The following MAGI2 variants were observed in gnomAD, a reference collection of about 807,000 sequenced individuals.
MAGI2 encodes the protein membrane associated guanylate kinase, WW and PDZ domain containing 2.
Under a neutral mutation model 133.3 loss-of-function variants are expected in MAGI2, and 35 were observed. That is an observed-to-expected ratio of 0.26 (90% CI 0.20 to 0.35). MAGI2 has a LOEUF of 0.35. Ranked by LOEUF, MAGI2 falls within the 10% of genes least tolerant of loss-of-function variation. The pLI, the probability that MAGI2 is intolerant of heterozygous loss-of-function variation, is 1.00. For synonymous variants in MAGI2, 729 were observed against 710.6 expected (o/e 1.03, Z -0.41); for missense variants, 1,636 against 1,863.4 (o/e 0.88, Z 2.25).
chr7:78,344,060 A>G, intron 8 of MAGI2, 100 bp from the exon 9 acceptor site: 1 of 1,031,196 alleles, frequency 9.7e-7, no homozygotes, highest in South Asian at 1.6e-5. Flanking sequence ...TCCCAGGGGT[A>G]AATGTGGGGG....
At chr7:78,961,250 T>C (rs1802810834) in intron 2 of MAGI2, among the ~76,000 whole-genome samples, 1 of 152,122 alleles carries the variant, frequency 6.6e-6, no homozygotes, top group Non-Finnish European at 1.5e-5. Flanking sequence ...CATTACGTGA[T>C]ATAAATGTAA....
intron 6 of MAGI2, among the ~76,000 whole-genome samples, chr7:78,475,404 T>G (rs1791643265): frequency 6.6e-6 from 1 of 151,970 alleles, no homozygotes; most frequent in Non-Finnish European, 1.5e-5. Context: ...AAAAGGCAGT[T>G]TTAAGAGAAC....
intron 1 of MAGI2, among the ~76,000 whole-genome samples, chr7:79,187,942 T>C (rs532669075): frequency 6.1e-4 from 92 of 151,954 alleles, no homozygotes; most frequent in African/African-American, 2.0e-3. Flanking sequence ...AATATACACA[T>C]GCAGAAATAC....
At chr7:78,610,489 G>A (rs549188435) in intron 3 of MAGI2, among the ~76,000 whole-genome samples, 5 of 152,324 alleles carry the variant, frequency 3.3e-5, no homozygotes, top group East Asian at 3.9e-4. Flanking sequence ...GCTTTCCAAC[G>A]TGTGCTCCAG....
intron 1 of MAGI2, among the ~76,000 whole-genome samples, chr7:79,127,496 T>C (rs62460844): frequency 1.3e-5 from 2 of 152,032 alleles, no homozygotes; most frequent in African/African-American, 2.4e-5. Context: ...GCCATTCTAA[T>C]TGGTGTGAGA....
intron 9 of MAGI2, among the ~76,000 whole-genome samples, chr7:78,342,815 G>A (rs757025234): frequency 5.9e-5 from 9 of 152,134 alleles, no homozygotes; most frequent in Non-Finnish European, 1.0e-4. Flanking sequence ...GTTGGTAGAT[G>A]GGGGGATAGG....
intron 2 of MAGI2, among the ~76,000 whole-genome samples, chr7:78,672,791 A>T (rs1448145638): frequency 6.6e-6 from 1 of 152,128 alleles, no homozygotes. Flanking sequence ...AAATTTTAAC[A>T]AGCCCTTCAG....
chr7:78,608,470 T>C (rs1375967950), intron 3 of MAGI2, among the ~76,000 whole-genome samples: 2 of 133,656 alleles, frequency 1.5e-5, no homozygotes, highest in African/African-American at 5.3e-5. Flanking sequence ...TGTGTGTGTA[T>C]GTATATATAT....
At chr7:79,160,759 G>A (rs534001147) in intron 1 of MAGI2, among the ~76,000 whole-genome samples, 3 of 152,162 alleles carry the variant, frequency 2.0e-5, no homozygotes, top group Middle Eastern at 6.8e-3. Context: ...CACACCAGAT[G>A]AAGCAGTTAA....
At chr7:78,546,188 T>C (rs1798816352) in intron 3 of MAGI2, among the ~76,000 whole-genome samples, 1 of 152,198 alleles carries the variant, frequency 6.6e-6, no homozygotes, top group East Asian at 1.9e-4. Flanking sequence ...AAATTTATAA[T>C]GCTATCTTGA....
chr7:78,330,319 T>C (rs889403005), intron 9 of MAGI2, among the ~76,000 whole-genome samples: 4 of 151,958 alleles, frequency 2.6e-5, no homozygotes, highest in Non-Finnish European at 4.4e-5. Context: ...TAGTGCTGCA[T>C]AGAAAGATTC....
At position 78,748,449 on chromosome 7, in the gene MAGI2, G is replaced by A. The variant is rs138494581; in HGVS notation, c.419-121210C>T. On this transcript the variant is annotated intron_variant, in intron 2 of 21. Coordinates refer to ENST00000354212, the MANE Select transcript of MAGI2 (RefSeq NM_012301.4). ...GTCTTATGAGCGCAGTCCTATTATC[G>A]CTCCCAATTCTGTTTAATATAAGGT... Among the ~76,000 whole-genome samples the A allele has an allele frequency of 3.7e-3, 566 of 152,156 alleles. 25 individuals are homozygous for A. Among genetic ancestry groups the A allele is most frequent in the Admixed American group, 0.033 (501 of 15,278 alleles).
intron 9 of MAGI2, among the ~76,000 whole-genome samples, chr7:78,261,837 T>G (rs1357455942): frequency 1.3e-5 from 2 of 152,178 alleles, no homozygotes; most frequent in Non-Finnish European, 2.9e-5. Flanking sequence ...ATACATAATT[T>G]TATTATAATA....
At chr7:79,016,418 G>A (rs1042712189) in intron 1 of MAGI2, among the ~76,000 whole-genome samples, 12 of 152,042 alleles carry the variant, frequency 7.9e-5, no homozygotes, top group East Asian at 1.9e-4. Flanking sequence ...CTGGTGGCAC[G>A]CATCATAGCT....
intron 1 of MAGI2, among the ~76,000 whole-genome samples, chr7:79,378,922 G>GTA (rs1843562006): frequency 4.7e-5 from 3 of 63,470 alleles, no homozygotes; most frequent in South Asian, 1.2e-3. Flanking sequence ...ATATATGTGT[G>GTA]TGTGTATATA....
chr7:79,126,995 C>T (rs1820470278), intron 1 of MAGI2, among the ~76,000 whole-genome samples: 1 of 150,690 alleles, frequency 6.6e-6, no homozygotes, highest in Admixed American at 6.6e-5. Context: ...GTTCCCCTTC[C>T]TGTGTCCATG....
At chr7:78,249,500 A>T (rs2150932591) in intron 10 of MAGI2, among the ~76,000 whole-genome samples, 1 of 151,884 alleles carries the variant, frequency 6.6e-6, no homozygotes. Flanking sequence ...AAATGTGGTA[A>T]ATCTACACAA....
At chr7:78,107,063 C>T (rs1818765132) in intron 20 of MAGI2, among the ~76,000 whole-genome samples, 1 of 152,112 alleles carries the variant, frequency 6.6e-6, no homozygotes, top group South Asian at 2.1e-4. Flanking sequence ...TAGTTTCATT[C>T]TTCTGCATAT....
intron 21 of MAGI2, 42 bp from the exon 22 acceptor site, chr7:78,020,018 G>A: frequency 5.9e-6 from 9 of 1,536,712 alleles, no homozygotes; most frequent in Non-Finnish European, 7.9e-6. Flanking sequence ...GCGCACGCAG[G>A]ACGTCCCCGT....
Sources: gnomAD v4.1 joint callset for allele counts (sites outside exome capture counted in the v4.1 genomes callset) on GRCh38, gnomAD v4.1.1 for gene constraint, MANE v1.5 for transcripts, NCBI Gene and HGNC (gene_info 2026-07-23, HGNC 2026-07-21) for gene names.